The following RBP4 variants were observed in gnomAD, a reference collection of about 807,000 sequenced individuals.
The protein encoded by RBP4 is retinol-binding protein 4.
A neutral mutation model predicts 26.2 loss-of-function variants in RBP4; 9 were observed. The observed-to-expected ratio is 0.34, with a 90% CI of 0.21 to 0.60. The LOEUF (loss-of-function observed/expected upper bound fraction) is 0.60. RBP4 is among the 20% of genes least tolerant of loss of function. The probability of loss-of-function intolerance (pLI) is 0.80; values close to 1 mark genes in which losing one functional copy is unlikely to be tolerated. For synonymous variants in RBP4, 114 were observed against 111.0 expected (o/e 1.03, Z -0.17); for missense variants, 244 against 271.3 (o/e 0.90, Z 0.71).
chr10:93,592,115 G>A lies in RBP4; in HGVS notation c.569-3C>T. On this transcript the variant is annotated splice_polypyrimidine_tract_variant and splice_region_variant and intron_variant, in intron 5 of 5. Coordinates refer to ENST00000371464, the MANE Select transcript of RBP4 (RefSeq NM_006744.4). ...TTCTGATCTGCCATCGCAGTAACCT[G>A]GAAAATACAAAACAAAGCCATTAAC... The A allele has an allele frequency of 6.2e-7, 1 of 1,613,968 alleles. No homozygotes were observed. Among genetic ancestry groups the A allele is most frequent in the Non-Finnish European group, 8.5e-7 (1 of 1,179,858 alleles).
At chr10:93,595,515 G>A (rs78532348) in intron 4 of RBP4, among the ~76,000 whole-genome samples, 1,737 of 152,312 alleles carry the variant, frequency 0.011, 27 homozygotes, top group African/African-American at 0.039. Context: ...ACACCACACT[G>A]TCTCCAGACA....
At chr10:93,600,288 G>T (rs1183805522) in intron 4 of RBP4, 105 bp downstream of exon 4, 21 of 1,009,704 alleles carry the variant, frequency 2.1e-5, no homozygotes, top group South Asian at 2.0e-4. Context: ...AGACCTTTCC[G>T]CAGGCCATTC....
intron 4 of RBP4, among the ~76,000 whole-genome samples, chr10:93,598,683 T>C (rs936992973): frequency 2.6e-5 from 4 of 152,146 alleles, no homozygotes; most frequent in Admixed American, 6.5e-5. Context: ...AGAAACAAAA[T>C]GCTCCCTTCT....
At chr10:93,597,965 C>A (rs2058312819) in intron 4 of RBP4, among the ~76,000 whole-genome samples, 1 of 152,196 alleles carries the variant, frequency 6.6e-6, no homozygotes, top group Non-Finnish European at 1.5e-5. Context: ...TAAAACAGAA[C>A]AAGGTAGGTG....
chr10:93,601,032 GC>G lies in RBP4; in HGVS notation c.-5del, dbSNP rs546549435. ...AGAGCGCCCACACCCACTTCATCTT[GC>G]CCAGGAATCCGCCCTGCGGGAGACG... On this transcript the variant is annotated 5_prime_UTR_variant, in exon 2 of 6. Transcript: ENST00000371464. 1.2e-3 allele frequency: 1,882 copies of G among 1,609,898 alleles called. 24 individuals carry two copies. In the African/African-American group the frequency reaches 0.022, roughly 19 times the overall value.
At chr10:93,601,106 TCACCC>T (rs535183131) in intron 1 of RBP4, 60 bp from the exon 2 acceptor site, 20 of 1,504,106 alleles carry the variant, frequency 1.3e-5, no homozygotes, top group Admixed American at 3.8e-5. Flanking sequence ...GTATCCCACC[TCACCC>T]CACCCCACCC....
intron 4 of RBP4, among the ~76,000 whole-genome samples, chr10:93,594,753 T>C (rs2134569013): frequency 6.6e-6 from 1 of 152,334 alleles, no homozygotes; most frequent in South Asian, 2.1e-4. Flanking sequence ...ATTATATGTA[T>C]TCCTCAAGGC....
In RBP4 at chr10:93,601,065, C is replaced by G; in HGVS notation, c.-18-19G>C. ...ATCCGCCCTGCGGGAGACGCGCCTCCGTCAGTGCCCGGCAGCCGACCCCCG... is the reference window on the plus strand; with the variant it reads ...ATCCGCCCTGCGGGAGACGCGCCTCGGTCAGTGCCCGGCAGCCGACCCCCG... On this transcript the variant is annotated intron_variant, in intron 1 of 5. Coordinates refer to ENST00000371464, the MANE Select transcript of RBP4 (RefSeq NM_006744.4). The G allele has an allele frequency of 6.2e-7, 1 of 1,600,954 alleles. No homozygotes were observed. Among genetic ancestry groups the G allele is most frequent in the South Asian group, 1.1e-5 (1 of 90,996 alleles).
At chr10:93,598,658 TA>T (rs1380082709) in intron 4 of RBP4, among the ~76,000 whole-genome samples, 2 of 152,212 alleles carry the variant, frequency 1.3e-5, no homozygotes, top group Admixed American at 6.5e-5. Context: ...TCTGGTTTGA[TA>T]GGGGGAGGAG....
In RBP4 at chr10:93,592,088, C is replaced by T. The variant is rs1250341170; in HGVS notation, c.593G>A (p.Arg198Lys). Residue 198 changes from arginine to lysine, a missense_variant, in exon 6 of 6, where the codon AGA becomes AAA. Transcript: ENST00000371464. ...HNGYCDGRSERNLL is the reference protein window; with the variant it reads ...HNGYCDGRSEKNLL ...TTCTTGATATTGCTACAAAAGGTTT[C>T]TTTCTGATCTGCCATCGCAGTAACC... 6.2e-7 allele frequency: 1 copy of T among 1,614,064 alleles called. No homozygotes were observed.
At position 93,594,480 on chromosome 10, in the gene RBP4, G is replaced by A. The variant is rs553250709; in HGVS notation, c.356-445C>T. Among the ~76,000 whole-genome samples the A allele has an allele frequency of 3.3e-5, 5 of 152,224 alleles. No homozygotes were observed. In the East Asian group the frequency reaches 7.7e-4, roughly 24 times the overall value. On this transcript the variant is annotated intron_variant, in intron 4 of 5. Transcript: ENST00000371464. ...CCCAATATTGGCTTATGTCTTTCTC[G>A]ATCTCTATCGCTGGTTCCTAATCAA...
chr10:93,592,102 A>G lies in RBP4; in HGVS notation c.579T>C (p.Asp193=), dbSNP rs755900911. Residue 193 remains aspartate (D), a synonymous_variant, in exon 6 of 6, where the codon GAT becomes GAC. Transcript: ENST00000371464. ...YRLIVHNGYC[D]GRSERNLL ...ACAAAAGGTTTCTTTCTGATCTGCC[A>G]TCGCAGTAACCTGGAAAATACAAAA... 2 of 1,614,058 alleles carry G rather than the reference A, an allele frequency of 1.2e-6. No homozygotes were observed. Among genetic ancestry groups the G allele is most frequent in the Non-Finnish European group, 1.7e-6 (2 of 1,179,996 alleles).
rs1222068826 is a variant in RBP4, at chr10:93,592,167, TAGA to T, written c.569-58_569-56del. ...ACAGAAAGTGGACCCAGTTTTTATG[TAGA>T]TAATGAACATCATGATGGCCTTAGA... On this transcript the variant is annotated intron_variant, in intron 5 of 5. Coordinates refer to ENST00000371464, the MANE Select transcript of RBP4 (RefSeq NM_006744.4). 4.1e-5 allele frequency: 60 copies of T among 1,480,196 alleles called. 1 individual carries two copies. The Middle Eastern group carries it at 5.1e-4, about 13-fold the overall frequency. The allele number at this position is 1,480,196 out of a possible 1,614,324, so 91.7% of individuals were successfully genotyped here. A position where few individuals can be genotyped will look rare whatever the true frequency, so the allele number is the denominator to read the frequency against.
Position 93,593,931 on chromosome 10 carries a change from C to G in RBP4, c.460G>C (p.Val154Leu). Residue 154 changes from valine (V) to leucine (L), a missense_variant, in exon 5 of 6, where the codon GTG becomes CTG. Transcript: ENST00000371464. The part of the protein sequence containing the change: ...DGTCADSYSF[V>L]FSRDPNGLPP... ...AGGCCGTTGGGGTCCCGGGAAAACA[C>G]GAAGGAGTAGCTGTCAGCACAGGTG... 1 of 1,614,066 alleles carries G rather than the reference C, an allele frequency of 6.2e-7. No individual in the cohort carries two copies. The highest frequency in any genetic ancestry group is 8.5e-7 in the Non-Finnish European group (1 of 1,180,046).
chr10:93,600,146 C>T (rs553615340), intron 4 of RBP4, among the ~76,000 whole-genome samples: 1 of 152,320 alleles, frequency 6.6e-6, no homozygotes, highest in East Asian at 1.9e-4. Context: ...GGGAAAATGA[C>T]ACCTGACAAA....
chr10:93,598,545 CACTT>C (rs1425487839), intron 4 of RBP4, among the ~76,000 whole-genome samples: 8 of 152,242 alleles, frequency 5.3e-5, no homozygotes, highest in Non-Finnish European at 1.0e-4. Context: ...ATAGTCATCT[CACTT>C]AATATCTATA....
Position 93,594,019 on chromosome 10 carries a change from G to A in RBP4, c.372C>T (p.Ile124=), listed in dbSNP as rs763758307. 23 of 1,613,444 alleles carry A rather than the reference G, an allele frequency of 1.4e-5. No individual in the cohort carries two copies. In the East Asian group the frequency reaches 3.3e-4, roughly 23 times the overall value. The change falls in exon 5 of 6, where the codon ATC becomes ATT. Residue 124 remains isoleucine, a synonymous_variant. Coordinates refer to ENST00000371464, the MANE Select transcript of RBP4 (RefSeq NM_006744.4). ...CATACGTGTCGTAGTCTGTGTCGAC[G>A]ATCCAGTGGTCATCATCTGCAAGCC... ...FLQKGNDDHW[I]VDTDYDTYAV...
chr10:93,592,227 A>G (rs1040860301), intron 5 of RBP4, 115 bp from the exon 6 acceptor site: 1 of 879,440 alleles, frequency 1.1e-6, no homozygotes, highest in East Asian at 2.5e-5. Flanking sequence ...CTTAATTCAA[A>G]TGCATCACAG....
At chr10:93,598,918 AT>A (rs200974617) in intron 4 of RBP4, among the ~76,000 whole-genome samples, 1,810 of 152,340 alleles carry the variant, frequency 0.012, 16 homozygotes, top group Non-Finnish European at 0.019. Flanking sequence ...AATAATTTTT[AT>A]TATTTCCAAG....
Sources: allele counts gnomAD v4.1 joint callset (sites outside exome capture counted in the v4.1 genomes callset), GRCh38; gene constraint gnomAD v4.1.1; transcripts MANE v1.5; gene names NCBI Gene and HGNC (gene_info 2026-07-23, HGNC 2026-07-21).